The following PLEKHG4B variants were observed in gnomAD, a reference collection of about 807,000 sequenced individuals.
PLEKHG4B encodes pleckstrin homology domain-containing family G member 4B.
In PLEKHG4B, 111 loss-of-function variants were observed where a neutral mutation model predicts 121.3. The ratio of observed to expected loss-of-function variants is 0.92; its 90% confidence interval spans 0.78 to 1.07. The LOEUF (loss-of-function observed/expected upper bound fraction) is 1.07, where lower values mean the gene tolerates loss of function less well. PLEKHG4B is among the 50% of genes least tolerant of loss of function. The probability of loss-of-function intolerance (pLI) is 0.00; values close to 1 mark genes in which losing one functional copy is unlikely to be tolerated. For synonymous variants in PLEKHG4B, 738 were observed against 725.0 expected, an observed-to-expected ratio of 1.02 and a Z score of -0.29; for missense variants, 1,831 against 1,757.8, an observed-to-expected ratio of 1.04 and a Z score of -0.74.
At chr5:155,313 C>T (rs1306045185) in intron 8 of PLEKHG4B, 32 bp from the exon 9 acceptor site, 4 of 1,564,008 alleles carry the variant, frequency 2.6e-6, no homozygotes, top group Non-Finnish European at 3.5e-6. Context: ...AGACTGTGTT[C>T]TTATAATCTC....
intron 7 of PLEKHG4B, among the ~76,000 whole-genome samples, chr5:151,988 AT>A (rs1335762753): frequency 1.3e-5 from 2 of 152,154 alleles, no homozygotes; most frequent in African/African-American, 4.8e-5. Flanking sequence ...GGCCTCCATA[AT>A]TTTAGAAGAA....
rs11949577 is a variant in PLEKHG4B at position 143,082 on chromosome 5, G to A, written c.1513G>A (p.Gly505Ser). ...ATCCTCAGCCTGTGTCAGCACAGAC[G>A]GCGGCAGCCTCCATTGCCACAACCC... is the stretch of plus-strand genomic sequence containing the variant. ...LASSACVSTD[G>S]GSLHCHNPSG... Residue 505 changes from glycine (G) to serine (S), a missense_variant, in exon 4 of 20, where the codon GGC becomes AGC. By Grantham distance (56) the Gly-to-Ser change is moderately conservative (BLOSUM62 0). Coordinates refer to ENST00000637938, the MANE Select transcript of PLEKHG4B (RefSeq NM_052909.5). The A allele has an allele frequency of 0.12, 196,806 of 1,612,850 alleles. 14,148 individuals are homozygous for A. Among genetic ancestry groups the A allele is most frequent in the African/African-American group, 0.3 (22,591 of 74,958 alleles).
At chr5:114,981 T>C (rs573009793) in intron 2 of PLEKHG4B, among the ~76,000 whole-genome samples, 1 of 152,372 alleles carries the variant, frequency 6.6e-6, no homozygotes, top group African/African-American at 2.4e-5. Flanking sequence ...CTCATGAATC[T>C]TAAATATTCA....
At chr5:93,545 C>T (rs1030257048) in intron 1 of PLEKHG4B, among the ~76,000 whole-genome samples, 4 of 151,940 alleles carry the variant, frequency 2.6e-5, no homozygotes, top group Admixed American at 6.6e-5. Context: ...TTTCACTGTG[C>T]GGCATCCGGT....
intron 13 of PLEKHG4B, among the ~76,000 whole-genome samples, chr5:165,028 G>A (rs1736255646): frequency 1.1e-5 from 1 of 90,072 alleles, no homozygotes; most frequent in Non-Finnish European, 2.5e-5. Context: ...GCTCTGACAG[G>A]GCGGAGCTCA....
intron 2 of PLEKHG4B, among the ~76,000 whole-genome samples, chr5:129,881 T>C (rs1734729085): frequency 6.6e-6 from 1 of 152,048 alleles, no homozygotes; most frequent in Non-Finnish European, 1.5e-5. Flanking sequence ...GCTGGAGGCA[T>C]CAAAGGAATG....
chr5:163,550 T>G lies in PLEKHG4B; in HGVS notation c.3476+2T>G, dbSNP rs1390075450. The G allele has an allele frequency of 7.0e-5, 110 of 1,578,060 alleles. No individual in the cohort carries two copies. The Middle Eastern group carries it at 1.2e-3, about 18-fold the overall frequency. Reference sequence around the variant, plus strand: ...GGATGGGAGGCAGCAGGTGGGCAGGTGAGGTGGACGTCCCCCTCCTCTCGT... The same window carrying G: ...GGATGGGAGGCAGCAGGTGGGCAGGGGAGGTGGACGTCCCCCTCCTCTCGT... On this transcript the variant is annotated splice_donor_variant, in intron 13 of 19. Transcript: ENST00000637938. LOFTEE classifies it high-confidence loss of function.
intron 6 of PLEKHG4B, among the ~76,000 whole-genome samples, chr5:148,305 A>G (rs1371029758): frequency 1.3e-5 from 2 of 150,720 alleles, no homozygotes; most frequent in East Asian, 3.9e-4. Flanking sequence ...CTATTCCCAG[A>G]TGATGTGATC....
intron 12 of PLEKHG4B, 22 bp downstream of exon 12, chr5:161,966 C>T (rs201856612): frequency 1.1e-4 from 179 of 1,590,476 alleles, no homozygotes; most frequent in South Asian, 4.1e-4. Flanking sequence ...AGTGGGCGTG[C>T]GTCCCAGGGA....
chr5:156,068 C>T lies in PLEKHG4B; in HGVS notation c.2209-3C>T, dbSNP rs1167176700. ...AAGGCTTATTCCTCCCCATCCCGTG[C>T]AGGAAGTCGCCGAGTTAATTGACCA... On this transcript the variant is annotated splice_polypyrimidine_tract_variant and splice_region_variant and intron_variant, in intron 9 of 19. Coordinates refer to ENST00000637938, the MANE Select transcript of PLEKHG4B (RefSeq NM_052909.5). The surrounding 1 kb of genome is among the most constrained non-coding windows in gnomAD (Gnocchi z 4.4). 12 of 1,576,090 alleles carry T rather than the reference C, an allele frequency of 7.6e-6. No individual in the cohort carries two copies. The highest frequency in any genetic ancestry group is 1.0e-5 in the Non-Finnish European group (12 of 1,158,908).
intron 18 of PLEKHG4B, among the ~76,000 whole-genome samples, chr5:175,065 C>T (rs778276048): frequency 5.9e-5 from 9 of 152,122 alleles, no homozygotes; most frequent in Non-Finnish European, 1.2e-4. Flanking sequence ...ACACGTGTCT[C>T]TCGTGTCCAC....
chr5:174,428 G>A (rs1474741666), intron 18 of PLEKHG4B, among the ~76,000 whole-genome samples: 1 of 151,714 alleles, frequency 6.6e-6, no homozygotes, highest in African/African-American at 2.4e-5. Context: ...CAGGGGCCGG[G>A]GGCCAAGGCT....
chr5:124,575 G>A (rs1197348111), intron 2 of PLEKHG4B, among the ~76,000 whole-genome samples: 1 of 152,116 alleles, frequency 6.6e-6, no homozygotes, highest in Non-Finnish European at 1.5e-5. Context: ...CTGTCATTTG[G>A]TCTGTAAATG....
intron 2 of PLEKHG4B, among the ~76,000 whole-genome samples, chr5:134,390 C>T (rs573883727): frequency 4.0e-5 from 6 of 151,578 alleles, no homozygotes; most frequent in East Asian, 1.9e-4. Flanking sequence ...GTGATGGGTG[C>T]GCCAAAATCT....
At position 161,770 on chromosome 5, in the gene PLEKHG4B, T is replaced by C. The variant is rs773074800; in HGVS notation, c.2488-13T>C. On this transcript the variant is annotated splice_polypyrimidine_tract_variant and intron_variant, in intron 11 of 19. Transcript: ENST00000637938. ...CACCGGGCTTGTACTGATGCTTTGT[T>C]CCTTGGGTACAGCAATCCTGCCAGA... 1.9e-6 allele frequency: 3 copies of C among 1,613,454 alleles called. No individual in the cohort carries two copies. The South Asian group carries it at 3.3e-5, about 18-fold the overall frequency.
At position 130,305 on chromosome 5, in the gene PLEKHG4B, C is replaced by T. The variant is rs1434410859; in HGVS notation, c.244-9178C>T. ...CACTAAGAGCCAATAGAAAAATTGG[C>T]AGACTTGAAGAGATAATTTACAGAA... On this transcript the variant is annotated intron_variant, in intron 2 of 19. Coordinates refer to ENST00000637938, the MANE Select transcript of PLEKHG4B (RefSeq NM_052909.5). Among the ~76,000 whole-genome samples, 3 of 152,064 alleles carry T rather than the reference C, an allele frequency of 2.0e-5. No individual in the cohort carries two copies. In the East Asian group the frequency reaches 5.8e-4, roughly 29 times the overall value.
chr5:124,235 C>A (rs1055553629), intron 2 of PLEKHG4B, among the ~76,000 whole-genome samples: 2 of 151,932 alleles, frequency 1.3e-5, no homozygotes, highest in African/African-American at 4.8e-5. Flanking sequence ...TTAAGTTTAC[C>A]GAGACTTAAT....
At chr5:125,199 A>G (rs891103212) in intron 2 of PLEKHG4B, among the ~76,000 whole-genome samples, 1 of 152,174 alleles carries the variant, frequency 6.6e-6, no homozygotes, top group African/African-American at 2.4e-5. Context: ...AGTTACTGAT[A>G]AACAGGGGCT....
At position 92,778 on chromosome 5, in the gene PLEKHG4B, T is replaced by A. The variant is rs962406499; in HGVS notation, c.45+502T>A. On this transcript the variant is annotated intron_variant, in intron 1 of 19. Transcript: ENST00000637938. ...ATCGCCAAAACTGAGAGTTGCTAAG[T>A]TACTCTTCAGCTCAAACCGGTGGGA... Among the ~76,000 whole-genome samples, 6 of 152,158 alleles carry A rather than the reference T, an allele frequency of 3.9e-5. No individual in the cohort carries two copies. The South Asian group carries it at 1.2e-3, about 32-fold the overall frequency.
Sources: gnomAD v4.1 joint callset for allele counts (sites outside exome capture counted in the v4.1 genomes callset) on GRCh38, gnomAD v4.1.1 for gene constraint, Gnocchi (gnomAD v3.1) non-coding constraint, MANE v1.5 for transcripts, NCBI Gene and HGNC (gene_info 2026-07-23, HGNC 2026-07-21) for gene names.